MKLN1: variants seen among roughly 807,000 people sequenced by gnomAD.
The protein encoded by MKLN1 is muskelin 1.
MKLN1 carries 18 observed loss-of-function variants against 99.0 expected under a neutral mutation model. The observed-to-expected ratio is 0.18, with a 90% CI of 0.13 to 0.27. The LOEUF (loss-of-function observed/expected upper bound fraction) is 0.27. Among genes scored for constraint, MKLN1 ranks in the 10% least tolerant of loss-of-function variants. The pLI, the probability that MKLN1 is intolerant of heterozygous loss-of-function variation, is 1.00. For synonymous variants in MKLN1, 288 were observed against 293.2 expected, an observed-to-expected ratio of 0.98 and a Z score of 0.18; for missense variants, 621 against 875.9, an observed-to-expected ratio of 0.71 and a Z score of 3.67.
In MKLN1 at chr7:131,493,377, A is replaced by C. The variant is rs1047427717; in HGVS notation, c.*5649A>C. On this transcript the variant is annotated 3_prime_UTR_variant, in exon 18 of 18. Coordinates refer to ENST00000352689, the MANE Select transcript of MKLN1 (RefSeq NM_013255.5). ...AAGGAAAAATAGGAGCTTTTTGCTTATGGATTTTAGAGGTCCACAAATCGA... is the reference window on the plus strand; with the variant it reads ...AAGGAAAAATAGGAGCTTTTTGCTTCTGGATTTTAGAGGTCCACAAATCGA... The C allele has an allele frequency of 1.6e-4, 24 of 152,202 alleles. No individual in the cohort carries two copies. Among genetic ancestry groups the C allele is most frequent in the African/African-American group, 5.5e-4 (23 of 41,452 alleles). 9.4% of individuals were successfully genotyped at this position (152,202 alleles called of 1,614,324 possible).
At position 131,387,247 on chromosome 7, in the gene MKLN1, C is replaced by T; in HGVS notation, c.296C>T (p.Thr99Ile). Residue 99 changes from threonine to isoleucine, a missense_variant, in exon 3 of 18, where the codon ACA becomes ATA. Thr to Ile is a moderately conservative substitution (Grantham distance 89). Around this residue, in one of 8 missense-constraint regions of MKLN1, gnomAD observed 361 missense variants for 540.8 expected, o/e 0.67. Transcript: ENST00000352689. The part of the protein sequence containing the change: ...VFGGMNEENM[T>I]ELLSSGLKND... The stretch of plus-strand genomic sequence containing the variant: ...GGTGGAATGAATGAAGAAAATATGA[C>T]AGAGCTGTTGTCCAGGTGAGTTATG... 6.2e-7 allele frequency: 1 copy of T among 1,610,738 alleles called. No homozygotes were observed. Among genetic ancestry groups the T allele is most frequent in the Non-Finnish European group, 8.5e-7 (1 of 1,178,670 alleles).
chr7:131,269,399 G>A (rs1344353738), intron 3 of MKLN1, among the ~76,000 whole-genome samples: 4 of 152,130 alleles, frequency 2.6e-5, no homozygotes, highest in Non-Finnish European at 4.4e-5. Context: ...ATGGTGGAAC[G>A]GGCAAGCTAG....
rs1252999535 is a variant in MKLN1 at position 131,493,966 on chromosome 7, C to T, written c.*6238C>T. On this transcript the variant is annotated 3_prime_UTR_variant, in exon 18 of 18. Transcript: ENST00000352689. ...ATGAATAAGGAGCCACTCAAAAAGC[C>T]AATTTTGAGCTTTATTTCTCCGTTG... is the stretch of plus-strand genomic sequence containing the variant. 1 of 152,180 alleles carries T rather than the reference C, an allele frequency of 6.6e-6. No individual in the cohort carries two copies. The highest frequency in any genetic ancestry group is 1.5e-5 in the Non-Finnish European group (1 of 68,016). 9.4% of individuals were successfully genotyped at this position (152,180 alleles called of 1,614,324 possible).
intron 3 of MKLN1, among the ~76,000 whole-genome samples, chr7:131,288,694 G>A (rs1182789059): frequency 1.3e-5 from 2 of 152,244 alleles, no homozygotes; most frequent in East Asian, 3.9e-4. Flanking sequence ...TCAGTAGTCA[G>A]TATCTGTTGC....
At chr7:131,232,879 A>T (rs1797263532) in intron 3 of MKLN1, among the ~76,000 whole-genome samples, 1 of 151,806 alleles carries the variant, frequency 6.6e-6, no homozygotes, top group Admixed American at 6.6e-5. Flanking sequence ...AATAATTAAT[A>T]ATTAGGAAGA....
At chr7:131,227,469 T>TTCTTTC (rs1797167767) in intron 3 of MKLN1, among the ~76,000 whole-genome samples, 1 of 130,556 alleles carries the variant, frequency 7.7e-6, no homozygotes, top group African/African-American at 2.8e-5. Context: ...GTTTCTTTCT[T>TTCTTTC]TCTTTCTCTC....
intron 3 of MKLN1, among the ~76,000 whole-genome samples, chr7:131,272,806 G>A (rs1462671214): frequency 6.6e-6 from 1 of 152,132 alleles, no homozygotes; most frequent in Non-Finnish European, 1.5e-5. Context: ...ACTATCACGA[G>A]AATAGTACGG....
chr7:131,333,780 C>T (rs768218281), intron 1 of MKLN1, among the ~76,000 whole-genome samples: 1 of 152,134 alleles, frequency 6.6e-6, no homozygotes, highest in Non-Finnish European at 1.5e-5. Context: ...TCAGGTGATC[C>T]GCCCACCTCG....
intron 3 of MKLN1, among the ~76,000 whole-genome samples, chr7:131,231,162 C>T (rs1315016466): frequency 6.8e-6 from 1 of 146,132 alleles, no homozygotes; most frequent in Non-Finnish European, 1.5e-5. Flanking sequence ...TCTGATGGGC[C>T]TGGCAGGGCA....
chr7:131,254,345 A>T lies in MKLN1; in HGVS notation c.-179+51371A>T, dbSNP rs372626360. ...ATTCAGAGTTGCTATATTATATAAC[A>T]TGTCCAGTTTTCAACAACAACAAAA... On this transcript the variant is annotated intron_variant, in intron 3 of 7. Transcript: ENST00000416992. 2.0e-4 allele frequency among the ~76,000 whole-genome samples: 30 copies of T among 152,354 alleles called. No homozygotes were observed. The East Asian group carries it at 3.9e-3, about 20-fold the overall frequency.
At chr7:131,468,132 A>G (rs1796710214) in intron 15 of MKLN1, among the ~76,000 whole-genome samples, 1 of 152,216 alleles carries the variant, frequency 6.6e-6, no homozygotes, top group South Asian at 2.1e-4. Context: ...TTCCGGATAA[A>G]CTTTGAAGAT....
Position 131,114,098 on chromosome 7 carries a change from A to G in MKLN1, c.-419+3891A>G, listed in dbSNP as rs1032764631. Among the ~76,000 whole-genome samples the G allele has an allele frequency of 4.6e-5, 7 of 152,212 alleles. No homozygotes were observed. In the East Asian group the frequency reaches 1.3e-3, roughly 29 times the overall value. On this transcript the variant is annotated intron_variant, in intron 1 of 7. Transcript: ENST00000416992. ...CTAAACTAAGGTAGCAAGAATGGAC[A>G]TGGAGAGAGGAAGCATTGAAAGGGT...
intron 3 of MKLN1, among the ~76,000 whole-genome samples, chr7:131,210,539 T>C (rs910777210): frequency 9.1e-5 from 13 of 142,322 alleles, no homozygotes; most frequent in Admixed American, 2.8e-4. Flanking sequence ...CTCCAAAAAA[T>C]AAACATACAA....
chr7:131,212,470 A>T (rs1796920176), intron 3 of MKLN1, among the ~76,000 whole-genome samples: 1 of 152,238 alleles, frequency 6.6e-6, no homozygotes, highest in Non-Finnish European at 1.5e-5. Context: ...TGTCTTCTAG[A>T]AACACTGACT....
At chr7:131,195,330 G>A (rs1176891834) in intron 2 of MKLN1, among the ~76,000 whole-genome samples, 2 of 152,026 alleles carry the variant, frequency 1.3e-5, no homozygotes, top group African/African-American at 4.8e-5. Context: ...GGCCAACATG[G>A]TGAAACCCCA....
intron 2 of MKLN1, among the ~76,000 whole-genome samples, chr7:131,167,971 G>T (rs977566637): frequency 6.6e-6 from 1 of 152,076 alleles, no homozygotes; most frequent in African/African-American, 2.4e-5. Flanking sequence ...ACCTGAAAAA[G>T]GACTAGGAGG....
chr7:131,246,136 G>A (rs1044583827), intron 3 of MKLN1, among the ~76,000 whole-genome samples: 16 of 152,184 alleles, frequency 1.1e-4, no homozygotes, highest in African/African-American at 3.9e-4. Context: ...CACACTTTGA[G>A]TAGCACTGCT....
At chr7:131,400,865 C>T (rs1467899486) in intron 6 of MKLN1, among the ~76,000 whole-genome samples, 2 of 152,066 alleles carry the variant, frequency 1.3e-5, no homozygotes, top group Non-Finnish European at 2.9e-5. Flanking sequence ...TTAGTAGTTG[C>T]TCAATTCTTG....
chr7:131,374,717 T>C (rs1793585337), intron 1 of MKLN1, among the ~76,000 whole-genome samples: 1 of 152,118 alleles, frequency 6.6e-6, no homozygotes, highest in African/African-American at 2.4e-5. Context: ...CCTTTTCCAC[T>C]CACAGTTCTG....
Sources: allele counts gnomAD v4.1 joint callset (sites outside exome capture counted in the v4.1 genomes callset), GRCh38; gene constraint gnomAD v4.1.1; regional missense constraint gnomAD v4.1.1; transcripts MANE v1.5; gene names NCBI Gene and HGNC (gene_info 2026-07-23, HGNC 2026-07-21).